The following HMMR variants were observed in gnomAD, a reference collection of about 807,000 sequenced individuals.
HMMR encodes hyaluronan mediated motility receptor.
Under a neutral mutation model 101.0 loss-of-function variants are expected in HMMR, and 108 were observed. The observed-to-expected ratio is 1.07, with a 90% CI of 0.92 to 1.25. HMMR has a LOEUF of 1.25. HMMR is among the 50% of genes most tolerant of loss of function. The pLI is 0.00. For missense variants in HMMR, 813 were observed against 788.7 expected, an observed-to-expected ratio of 1.03 and a Z score of -0.37; for synonymous variants, 296 against 276.4, an observed-to-expected ratio of 1.07 and a Z score of -0.70.
intron 16 of HMMR, among the ~76,000 whole-genome samples, chr5:163,487,351 A>G (rs1759514107): frequency 6.6e-6 from 1 of 152,006 alleles, no homozygotes; most frequent in Non-Finnish European, 1.5e-5. Flanking sequence ...CCATATTCCT[A>G]AGATATACTG....
rs1759041281 is a variant in HMMR, at chr5:163,475,571, A to G, written c.1167A>G (p.Leu389=). 1.2e-6 allele frequency: 2 copies of G among 1,612,156 alleles called. No individual in the cohort carries two copies. The highest frequency in any genetic ancestry group is 4.5e-5 in the East Asian group (2 of 44,776). The part of the protein sequence containing the change: ...LKQTLDELDK[L]QQKEEQAERL... ...AAACACTGGATGAGCTTGATAAATT[A>G]CAGCAAAAGGAGGAACAAGCTGAAA... Residue 389 remains leucine, a synonymous_variant, in exon 11 of 18, where the codon TTA becomes TTG. Coordinates refer to ENST00000393915, the MANE Select transcript of HMMR (RefSeq NM_001142556.2).
intron 11 of HMMR, among the ~76,000 whole-genome samples, chr5:163,476,455 A>G (rs1389007128): frequency 6.6e-6 from 1 of 152,220 alleles, no homozygotes; most frequent in Non-Finnish European, 1.5e-5. Context: ...CGGGAGCACA[A>G]ACACTTCAGA....
chr5:163,469,568 T>G, intron 4 of HMMR, 73 bp from the exon 5 acceptor site: 1 of 1,228,682 alleles, frequency 8.1e-7, no homozygotes, highest in Non-Finnish European at 1.2e-6. Flanking sequence ...ACTTTAGGGG[T>G]GATTATTGGT....
Position 163,475,512 on chromosome 5 carries a change from A to G in HMMR, c.1108A>G (p.Lys370Glu). 4.3e-6 allele frequency: 7 copies of G among 1,609,548 alleles called. No homozygotes were observed. The South Asian group carries it at 7.7e-5, about 18-fold the overall frequency. ...CTGTTCTTTTCAAGAGGAAATGGTT[A>G]AAGAGAAGAATCTGTTTGAGGAAGA... The part of the protein sequence containing the change: ...KLCSFQEEMV[K>E]EKNLFEEELK... The change falls in exon 11 of 18, where the codon AAA becomes GAA. Residue 370 changes from lysine (K) to glutamate (E), a missense_variant. Transcript: ENST00000393915.
intron 16 of HMMR, among the ~76,000 whole-genome samples, chr5:163,486,200 T>C (rs1265612951): frequency 6.6e-6 from 1 of 152,218 alleles, no homozygotes; most frequent in Non-Finnish European, 1.5e-5. Context: ...GGGAATTGCA[T>C]TGAATCTGTA....
intron 7 of HMMR, among the ~76,000 whole-genome samples, chr5:163,471,997 T>G (rs1019026886): frequency 6.6e-6 from 1 of 151,974 alleles, no homozygotes; most frequent in Non-Finnish European, 1.5e-5. Flanking sequence ...AACTACTTTC[T>G]CACTTACATC....
At chr5:163,463,800 A>G (rs1439280114) in intron 1 of HMMR, 56 bp from the exon 2 acceptor site, 1 of 668,352 alleles carries the variant, frequency 1.5e-6, no homozygotes, top group East Asian at 3.4e-5. Context: ...GACATGTTTT[A>G]ACTTAAGATC....
chr5:163,474,856 A>G (rs1759017110), intron 10 of HMMR, among the ~76,000 whole-genome samples: 2 of 152,070 alleles, frequency 1.3e-5, no homozygotes, highest in Admixed American at 1.3e-4. Context: ...GAGTAGATCT[A>G]TATACACTGA....
chr5:163,475,752 C>T, intron 11 of HMMR, 80 bp downstream of exon 11: 1 of 600,244 alleles, frequency 1.7e-6, no homozygotes, highest in East Asian at 3.0e-5. Flanking sequence ...ATTCTCTTAT[C>T]AATCATGTGA....
At chr5:163,462,450 G>C (rs1758570147) in intron 1 of HMMR, among the ~76,000 whole-genome samples, 1 of 151,644 alleles carries the variant, frequency 6.6e-6, no homozygotes, top group South Asian at 2.1e-4. Context: ...CGAAAGAAAA[G>C]TTTCACAAAA....
intron 11 of HMMR, among the ~76,000 whole-genome samples, chr5:163,476,986 G>A (rs936322394): frequency 3.9e-5 from 6 of 152,000 alleles, no homozygotes; most frequent in Admixed American, 2.0e-4. Context: ...AGCTGACATC[G>A]CACCACTGCA....
chr5:163,479,495 A>G (rs1759185209), intron 12 of HMMR, among the ~76,000 whole-genome samples: 1 of 151,960 alleles, frequency 6.6e-6, no homozygotes, highest in African/African-American at 2.4e-5. Flanking sequence ...ATAGAGTAAG[A>G]CCTTGTTTCT....
chr5:163,486,296 C>T (rs1759474399), intron 16 of HMMR, among the ~76,000 whole-genome samples: 1 of 152,166 alleles, frequency 6.6e-6, no homozygotes, highest in African/African-American at 2.4e-5. Flanking sequence ...ATTTAGATCT[C>T]ATTTAATTTC....
chr5:163,482,697 T>G lies in HMMR; in HGVS notation c.1441T>G (p.Leu481Val), dbSNP rs767827852. ...IEDLKLENSS[L>V]QEKAAKAGKN... ...AGATCTTAAGCTGGAGAACTCATCA[T>G]TACAGGAAAAAGCGGCCAAGGCTGG... The change falls in exon 13 of 18, where the codon TTA becomes GTA. Residue 481 changes from leucine (L) to valine (V), a missense_variant. Leu to Val is a conservative substitution (Grantham distance 32, BLOSUM62 1). Coordinates refer to ENST00000393915, the MANE Select transcript of HMMR (RefSeq NM_001142556.2). The G allele has an allele frequency of 7.4e-6, 12 of 1,613,028 alleles. No individual in the cohort carries two copies. In the East Asian group the frequency reaches 2.7e-4, roughly 36 times the overall value.
At position 163,483,366 on chromosome 5, in the gene HMMR, AG is replaced by A; in HGVS notation, c.1785+1del. ...CTATATAATAAAACAAAACCTTTTC[AG>A]GTTTGTCAGTTAGGAGTAAACTTAC... is the stretch of plus-strand genomic sequence containing the variant. ...EELYNKTKPF[Q>X]LQLDAFEVEK... On this transcript the variant is annotated frameshift_variant and splice_region_variant, in exon 15 of 18. Coordinates refer to ENST00000393915, the MANE Select transcript of HMMR (RefSeq NM_001142556.2). LOFTEE classifies it high-confidence loss of function. 1 of 1,530,008 alleles carries A rather than the reference AG, an allele frequency of 6.5e-7. No individual in the cohort carries two copies. Among genetic ancestry groups the A allele is most frequent in the Non-Finnish European group, 9.0e-7 (1 of 1,109,486 alleles). 94.8% of individuals were successfully genotyped at this position (1,530,008 alleles called of 1,614,324 possible).
Position 163,483,140 on chromosome 5 carries a change from C to G in HMMR, c.1653C>G (p.Asp551Glu). The G allele has an allele frequency of 1.2e-6, 2 of 1,611,782 alleles. No homozygotes were observed. The highest frequency in any genetic ancestry group is 1.7e-6 in the Non-Finnish European group (2 of 1,179,384). ...LQNQLKQQEE[D>E]FRKQLEDEEG... ...ACCAACTCAAGCAACAGGAGGAAGACTTTAGAAAACAGCTGGAAGATGAAG... is the reference window on the plus strand; with the variant it reads ...ACCAACTCAAGCAACAGGAGGAAGAGTTTAGAAAACAGCTGGAAGATGAAG... The change falls in exon 14 of 18, where the codon GAC becomes GAG. Residue 551 changes from aspartate to glutamate, a missense_variant. By Grantham distance (45) the Asp-to-Glu change is conservative. Transcript: ENST00000393915.
Position 163,482,884 on chromosome 5 carries a change from T to C in HMMR, c.1532+96T>C, listed in dbSNP as rs1455448267. The C allele has an allele frequency of 3.8e-6, 5 of 1,325,106 alleles. No homozygotes were observed. In the African/African-American group the frequency reaches 7.4e-5, roughly 20 times the overall value. The allele number at this position is 1,325,106 out of a possible 1,614,324, so 82.1% of individuals were successfully genotyped here. On this transcript the variant is annotated intron_variant, in intron 13 of 17. Transcript: ENST00000393915. ...CCTTGGCTTGCTTTTGGCCATCTTA[T>C]ACTGCAAATTAAGAATTTACTCAGT...
At chr5:163,462,165 G>A (rs146592711) in intron 1 of HMMR, among the ~76,000 whole-genome samples, 523 of 152,212 alleles carry the variant, frequency 3.4e-3, no homozygotes, top group Non-Finnish European at 5.9e-3. Flanking sequence ...TCAGCAGTGT[G>A]GCTTTAAGGT....
At chr5:163,464,679 C>T (rs754137061) in intron 2 of HMMR, 44 bp from the exon 3 acceptor site, 23 of 1,285,130 alleles carry the variant, frequency 1.8e-5, no homozygotes, top group Non-Finnish European at 2.5e-5. Context: ...GTAGTTAAAA[C>T]ACATTGACAT....
Sources: gnomAD v4.1 joint callset for allele counts (sites outside exome capture counted in the v4.1 genomes callset) on GRCh38, gnomAD v4.1.1 for gene constraint, MANE v1.5 for transcripts, NCBI Gene and HGNC (gene_info 2026-07-23, HGNC 2026-07-21) for gene names.